ESR2: variants seen among roughly 807,000 people sequenced by gnomAD.
ESR2 encodes the protein estrogen receptor beta.
A neutral mutation model predicts 49.6 loss-of-function variants in ESR2; 36 were observed. That is an observed-to-expected ratio of 0.73 (90% CI 0.56 to 0.96). The LOEUF is 0.96. ESR2 is among the 40% of genes least tolerant of loss of function. ESR2 has a pLI of 0.00. For missense variants in ESR2, 714 were observed against 693.0 expected, an observed-to-expected ratio of 1.03 and a Z score of -0.34; for synonymous variants, 320 against 266.1, an observed-to-expected ratio of 1.20 and a Z score of -1.97.
chr14:64,237,268 AT>A (rs199802361), intron 7 of ESR2, among the ~76,000 whole-genome samples: 1 of 151,794 alleles, frequency 6.6e-6, no homozygotes, highest in Non-Finnish European at 1.5e-5. Context: ...CCAGACCCTT[AT>A]TTTTTTTAGC....
At chr14:64,253,946 T>C (rs1298115777) in intron 6 of ESR2, among the ~76,000 whole-genome samples, 1 of 152,200 alleles carries the variant, frequency 6.6e-6, no homozygotes, top group African/African-American at 2.4e-5. Flanking sequence ...TGTGACTTTT[T>C]TTTGAGCAAT....
At chr14:64,327,114 T>C (rs892524801) in intron 1 of ESR2, among the ~76,000 whole-genome samples, 1 of 152,240 alleles carries the variant, frequency 6.6e-6, no homozygotes, top group Non-Finnish European at 1.5e-5. Context: ...CATCTACCAA[T>C]TGATCTAGAA....
intron 1 of ESR2, among the ~76,000 whole-genome samples, chr14:64,314,877 C>CAAAAAAAAAAAAAAAA (rs1179436563): frequency 9.8e-5 from 2 of 20,488 alleles, no homozygotes; most frequent in Non-Finnish European, 1.1e-4. Context: ...GACTCCGTCT[C>CAAAAAAAAAAAAAAAA]AAAAAAAAAA....
At chr14:64,247,239 CT>C (rs1198009353) in intron 7 of ESR2, among the ~76,000 whole-genome samples, 1 of 152,192 alleles carries the variant, frequency 6.6e-6, no homozygotes, top group African/African-American at 2.4e-5. Context: ...GTATTTTACA[CT>C]TTTATTTTTC....
chr14:64,315,991 G>T (rs2077250435), intron 1 of ESR2, among the ~76,000 whole-genome samples: 1 of 151,618 alleles, frequency 6.6e-6, no homozygotes, highest in Non-Finnish European at 1.5e-5. Context: ...CTATTAAAGA[G>T]ATTGAATTTA....
intron 1 of ESR2, among the ~76,000 whole-genome samples, chr14:64,285,826 CA>C (rs10559131): frequency 0.01 from 1,029 of 100,688 alleles, 7 homozygotes; most frequent in African/African-American, 0.028. Context: ...GACTCTGTCT[CA>C]AAAAAAAAAA....
chr14:64,278,953 A>T (rs74751413), intron 3 of ESR2, among the ~76,000 whole-genome samples: 14 of 152,340 alleles, frequency 9.2e-5, no homozygotes, highest in Middle Eastern at 3.4e-3. Flanking sequence ...AATCACTGAT[A>T]GAACAGACCC....
At chr14:64,322,682 C>A (rs936046417) in intron 1 of ESR2, among the ~76,000 whole-genome samples, 6 of 152,138 alleles carry the variant, frequency 3.9e-5, no homozygotes, top group African/African-American at 1.4e-4. Context: ...GAATGATTTA[C>A]TCTTAAATGA....
At position 64,249,589 on chromosome 14, in the gene ESR2, G is replaced by C. The variant is rs768417560; in HGVS notation, c.1182C>G (p.His394Gln). 1 of 1,614,034 alleles carries C rather than the reference G, an allele frequency of 6.2e-7. No homozygotes were observed. The highest frequency in any genetic ancestry group is 8.5e-7 in the Non-Finnish European group (1 of 1,179,964). The change falls in exon 7 of 9, where the codon CAC becomes CAG. Residue 394 changes from histidine (H) to glutamine (Q), a missense_variant. Transcript: ENST00000341099. ...TGGCCTTGACACAGAGATATTCTTT[G>C]TGTTGGAGTTTTAACTCTCGAAACC... Reference protein sequence around the residue: ...TSRFRELKLQHKEYLCVKAMI... With the variant: ...TSRFRELKLQQKEYLCVKAMI...
At chr14:64,250,087 T>G (rs1363687163) in intron 6 of ESR2, among the ~76,000 whole-genome samples, 1 of 152,176 alleles carries the variant, frequency 6.6e-6, no homozygotes, top group Non-Finnish European at 1.5e-5. Context: ...CATGTTCCCA[T>G]CGGGAAGTAT....
chr14:64,234,838 G>A, intron 8 of ESR2, 132 bp downstream of exon 8: 5 of 1,478,472 alleles, frequency 3.4e-6, no homozygotes, highest in Non-Finnish European at 4.5e-6. Flanking sequence ...TGTGTGAACT[G>A]ACAAATTCCC....
chr14:64,285,826 C>CAAAAAAAAAAAAA (rs10559131), intron 1 of ESR2, among the ~76,000 whole-genome samples: 1 of 100,804 alleles, frequency 9.9e-6, no homozygotes, highest in Non-Finnish European at 2.0e-5. Context: ...GACTCTGTCT[C>CAAAAAAAAAAAAA]AAAAAAAAAA....
Position 64,249,663 on chromosome 14 carries a change from C to T in ESR2, c.1108G>A (p.Val370Ile), listed in dbSNP as rs745947456. Reference sequence around the variant, plus strand: ...TCAAAGATTTCCAGAATTCCTTCTACGCATTTCCCCTCATCCCTACAAAAG... The same window carrying T: ...TCAAAGATTTCCAGAATTCCTTCTATGCATTTCCCCTCATCCCTACAAAAG... Reference protein sequence around the residue: ...LVLDRDEGKCVEGILEIFDML... With the variant: ...LVLDRDEGKCIEGILEIFDML... Residue 370 changes from valine to isoleucine, a missense_variant, in exon 7 of 9, where the codon GTA becomes ATA. Physicochemically the swap from Val to Ile is conservative, Grantham distance 29 (BLOSUM62 3). Transcript: ENST00000341099. 17 of 1,613,366 alleles carry T rather than the reference C, an allele frequency of 1.1e-5. No homozygotes were observed. The highest frequency in any genetic ancestry group is 8.4e-5 in the Admixed American group (5 of 59,850).
chr14:64,334,661 T>A (rs921684612), intron 1 of ESR2, among the ~76,000 whole-genome samples: 1 of 152,258 alleles, frequency 6.6e-6, no homozygotes, highest in Non-Finnish European at 1.5e-5. Flanking sequence ...TCTTATTTTA[T>A]TTTTTTGAGA....
At chr14:64,319,560 T>C (rs1203082006) in intron 1 of ESR2, among the ~76,000 whole-genome samples, 1 of 152,108 alleles carries the variant, frequency 6.6e-6, no homozygotes, top group African/African-American at 2.4e-5. Flanking sequence ...AATATACAAA[T>C]AAAATTTAAA....
At chr14:64,252,726 C>T (rs1000149884) in intron 6 of ESR2, among the ~76,000 whole-genome samples, 1 of 152,174 alleles carries the variant, frequency 6.6e-6, no homozygotes, top group African/African-American at 2.4e-5. Context: ...CTCATGAGAA[C>T]AGCATGGGGG....
At chr14:64,295,578 G>A (rs910860222), upstream of ESR2, among the ~76,000 whole-genome samples, 5 of 152,176 alleles carry the variant, frequency 3.3e-5, no homozygotes, top group Non-Finnish European at 5.9e-5. Flanking sequence ...TGTCCTTGAG[G>A]CAGAGAAGTT....
chr14:64,260,702 T>TC lies in ESR2; in HGVS notation c.698dup (p.Ser234LysfsTer43). Reference sequence around the variant, plus strand: ...CACAGTGCAGCTGCTCGTCGGCACTTCTCTGTCTCCGCACAAGGCGGTACC... The same window carrying TC: ...CACAGTGCAGCTGCTCGTCGGCACTTCCTCTGTCTCCGCACAAGGCGGTACC... On this transcript the variant is annotated frameshift_variant, in exon 5 of 9. Transcript: ENST00000341099. LOFTEE classifies it high-confidence loss of function. The TC allele has an allele frequency of 6.4e-7, 1 of 1,557,710 alleles. No individual in the cohort carries two copies. The highest frequency in any genetic ancestry group is 8.7e-7 in the Non-Finnish European group (1 of 1,148,456).
chr14:64,241,817 T>C (rs1298511709), intron 7 of ESR2, among the ~76,000 whole-genome samples: 1 of 152,236 alleles, frequency 6.6e-6, no homozygotes, highest in African/African-American at 2.4e-5. Flanking sequence ...CTTAGGACTT[T>C]CTACATAGAT....
Sources: allele counts gnomAD v4.1 joint callset (sites outside exome capture counted in the v4.1 genomes callset), GRCh38; gene constraint gnomAD v4.1.1; transcripts MANE v1.5; gene names NCBI Gene and HGNC (gene_info 2026-07-23, HGNC 2026-07-21).